Variants in ZSCAN5A observed in about 807,000 individuals in gnomAD.
The protein encoded by ZSCAN5A is zinc finger and SCAN domain containing 5A, also known as zinc finger and SCAN domain-containing protein 5A.
In ZSCAN5A, 12 loss-of-function variants were observed where a neutral mutation model predicts 23.7. The ratio of observed to expected loss-of-function variants is 0.51; its 90% CI spans 0.32 to 0.82. The LOEUF is 0.82. ZSCAN5A is among the 40% of genes least tolerant of loss of function. The pLI, the probability that ZSCAN5A is intolerant of heterozygous loss-of-function variation, is 0.03. For synonymous variants in ZSCAN5A, 257 were observed against 239.9 expected (o/e 1.07, Z -0.66); for missense variants, 597 against 617.9 (o/e 0.97, Z 0.36).
chr19:56,308,470 T>G (rs1341928290), intron 2 of ZSCAN5A, among the ~76,000 whole-genome samples: 1 of 152,088 alleles, frequency 6.6e-6, no homozygotes, highest in East Asian at 1.9e-4. Context: ...ATTACAGGCA[T>G]GCACCACCAC....
intron 2 of ZSCAN5A, among the ~76,000 whole-genome samples, chr19:56,256,255 C>T (rs1350666811): frequency 1.3e-5 from 2 of 152,100 alleles, no homozygotes; most frequent in Admixed American, 1.3e-4. Flanking sequence ...TGCAGTGGTG[C>T]GATCATAGCT....
At chr19:56,297,054 A>G (rs1253723401) in intron 2 of ZSCAN5A, among the ~76,000 whole-genome samples, 2 of 148,274 alleles carry the variant, frequency 1.3e-5, no homozygotes, top group Non-Finnish European at 3.0e-5. Context: ...GGGTGACAAG[A>G]GCAAAACTCT....
At chr19:56,233,966 T>C (rs2034675746) in intron 2 of ZSCAN5A, among the ~76,000 whole-genome samples, 1 of 152,056 alleles carries the variant, frequency 6.6e-6, no homozygotes, top group Non-Finnish European at 1.5e-5. Flanking sequence ...ATCCCAGCAC[T>C]CTGGAAGGCT....
In ZSCAN5A at chr19:56,352,382, A is replaced by C. The variant is rs2041673109; in HGVS notation, c.-358+10853T>G. Among the ~76,000 whole-genome samples the C allele has an allele frequency of 6.6e-6, 1 of 152,240 alleles. No individual in the cohort carries two copies. The highest frequency in any genetic ancestry group is 2.1e-4 in the South Asian group (1 of 4,832). ...GAGACATGAGATCCCACAGAAGCTAAGGCAGATTTAAGTGATCATGCAGGA... is the reference window on the plus strand; with the variant it reads ...GAGACATGAGATCCCACAGAAGCTACGGCAGATTTAAGTGATCATGCAGGA... On this transcript the variant is annotated intron_variant, in intron 2 of 6. Coordinates refer to the ZSCAN5A transcript ENST00000587340. This position sits in a 1 kb window ranked among gnomAD's most constrained non-coding sequence, Gnocchi z 4.2.
intron 2 of ZSCAN5A, among the ~76,000 whole-genome samples, chr19:56,264,993 G>A (rs1420246893): frequency 1.3e-5 from 2 of 152,002 alleles, no homozygotes; most frequent in South Asian, 4.2e-4. Flanking sequence ...GTGGTGGCAG[G>A]CGCCTGTAAT....
At chr19:56,292,421 C>G (rs1198631363) in intron 2 of ZSCAN5A, among the ~76,000 whole-genome samples, 7 of 147,744 alleles carry the variant, frequency 4.7e-5, no homozygotes, top group Non-Finnish European at 1.1e-4. Flanking sequence ...CATCATCACA[C>G]CTAGCTAATT....
At chr19:56,343,284 G>A in intron 2 of ZSCAN5A, 2 of 780,730 alleles carry the variant, frequency 2.6e-6, no homozygotes, top group Non-Finnish European at 4.2e-6. Context: ...GCTTTGCCAG[G>A]AGAAGCCACT....
At chr19:56,364,137 A>C (rs776310788) in intron 1 of ZSCAN5A, among the ~76,000 whole-genome samples, 2 of 152,246 alleles carry the variant, frequency 1.3e-5, no homozygotes, top group Non-Finnish European at 2.9e-5. Context: ...GGAGGGGATG[A>C]ACAGCTGGAG....
intron 2 of ZSCAN5A, chr19:56,320,181 A>G (rs577713534): frequency 1.3e-5 from 9 of 691,948 alleles, no homozygotes; most frequent in East Asian, 5.6e-5. Flanking sequence ...GGTTGTTTCA[A>G]GTTGTTCCTG....
At chr19:56,293,453 T>C (rs1285572467) in intron 2 of ZSCAN5A, among the ~76,000 whole-genome samples, 2 of 152,306 alleles carry the variant, frequency 1.3e-5, no homozygotes, top group Non-Finnish European at 2.9e-5. Context: ...ATCATTATAA[T>C]TGTATGTTGT....
chr19:56,253,194 C>G (rs1305893976), intron 2 of ZSCAN5A, among the ~76,000 whole-genome samples: 6 of 151,304 alleles, frequency 4.0e-5, no homozygotes, highest in African/African-American at 1.5e-4. Flanking sequence ...GGGAGGATCA[C>G]CTGAGCCTGG....
At chr19:56,242,076 A>C (rs894161268) in intron 2 of ZSCAN5A, among the ~76,000 whole-genome samples, 2 of 152,248 alleles carry the variant, frequency 1.3e-5, no homozygotes, top group Admixed American at 6.5e-5. Context: ...TTGCCGGATC[A>C]TGCAGTTGTT....
intron 1 of ZSCAN5A, among the ~76,000 whole-genome samples, chr19:56,313,739 T>TG (rs1275933327): frequency 6.6e-6 from 1 of 152,252 alleles, no homozygotes; most frequent in Non-Finnish European, 1.5e-5. Flanking sequence ...ATACCATTAA[T>TG]GGCCTTTGTA....
chr19:56,225,016 G>A lies in ZSCAN5A; in HGVS notation c.31C>T (p.Leu11=). The part of the protein sequence containing the change: MAANCTSSWS[L]GESCNRPGLE... ...CCAGGTCTGTTGCAGGATTCTCCTA[G>A]ACTCCATGAGGATGTGCAATTTGCA... The change falls in exon 3 of 6, where the codon CTA becomes TTA. Residue 11 remains leucine, a synonymous_variant. Coordinates refer to ENST00000683990, the MANE Select transcript of ZSCAN5A (RefSeq NM_001322064.3). The A allele has an allele frequency of 6.2e-7, 1 of 1,610,774 alleles. No individual in the cohort carries two copies. Among genetic ancestry groups the A allele is most frequent in the African/African-American group, 1.3e-5 (1 of 74,996 alleles).
intron 2 of ZSCAN5A, chr19:56,283,278 A>T (rs997437708): frequency 1.3e-5 from 2 of 151,912 alleles, no homozygotes; most frequent in African/African-American, 4.9e-5. Context: ...ATTATTACGT[A>T]CTTCATATTA....
chr19:56,269,109 A>C (rs993751967), intron 2 of ZSCAN5A, among the ~76,000 whole-genome samples: 2 of 152,134 alleles, frequency 1.3e-5, no homozygotes, highest in Admixed American at 6.6e-5. Flanking sequence ...TATTTGTGTA[A>C]TTACCTGTTT....
intron 2 of ZSCAN5A, among the ~76,000 whole-genome samples, chr19:56,268,643 A>C (rs963128803): frequency 6.6e-6 from 1 of 152,192 alleles, no homozygotes; most frequent in Non-Finnish European, 1.5e-5. Context: ...GGTAAAATTC[A>C]TATGATATAA....
chr19:56,290,548 G>C (rs1220503576), intron 2 of ZSCAN5A, among the ~76,000 whole-genome samples: 1 of 152,142 alleles, frequency 6.6e-6, no homozygotes, highest in Non-Finnish European at 1.5e-5. Flanking sequence ...CTAAGCTCTT[G>C]AGTTTGCTTC....
chr19:56,312,463 A>T (rs2147384266), intron 2 of ZSCAN5A: 1 of 152,412 alleles, frequency 6.6e-6, no homozygotes, highest in South Asian at 2.1e-4. Flanking sequence ...AAATCATTAA[A>T]AACAAGGAGA....
Sources: gnomAD v4.1 joint callset for allele counts (sites outside exome capture counted in the v4.1 genomes callset) on GRCh38, gnomAD v4.1.1 for gene constraint, Gnocchi (gnomAD v3.1) non-coding constraint, MANE v1.5 for transcripts, NCBI Gene and HGNC (gene_info 2026-07-23, HGNC 2026-07-21) for gene names.